The following UPF2 variants were observed in gnomAD, a reference collection of about 807,000 sequenced individuals.
UPF2 encodes the protein regulator of nonsense transcripts 2.
A neutral mutation model predicts 141.4 loss-of-function variants in UPF2; 17 were observed. The ratio of observed to expected loss-of-function variants is 0.12; its 90% CI spans 0.08 to 0.18. UPF2 has a LOEUF of 0.18. Ranked by LOEUF, UPF2 falls within the 10% of genes least tolerant of loss-of-function variation. The pLI is 1.00. For missense variants in UPF2, 1,152 were observed against 1,515.9 expected (o/e 0.76, Z 3.99); for synonymous variants, 540 against 498.0 (o/e 1.08, Z -1.12).
chr10:11,921,182 G>C lies in UPF2; in HGVS notation c.*116C>G. The C allele has an allele frequency of 1.4e-6, 2 of 1,440,566 alleles. No homozygotes were observed. The highest frequency in any genetic ancestry group is 1.1e-5 in the South Asian group (1 of 87,376). The allele number at this position is 1,440,566 out of a possible 1,614,324, so 89.2% of individuals were successfully genotyped here. On this transcript the variant is annotated 3_prime_UTR_variant, in exon 22 of 22. Coordinates refer to ENST00000357604, the MANE Select transcript of UPF2 (RefSeq NM_015542.4). This position sits in a 1 kb window ranked among gnomAD's most constrained non-coding sequence, Gnocchi z 5.9. ...CCCAGCCTGTCCCAGGTTTAGATTC[G>C]CAACTCTCTAGACCGACCTGCTGAG...
intron 4 of UPF2, among the ~76,000 whole-genome samples, chr10:12,009,584 A>C (rs1302406671): frequency 6.6e-6 from 1 of 152,222 alleles, no homozygotes; most frequent in Non-Finnish European, 1.5e-5. Context: ...CAGTATAGGA[A>C]AATAATCCCT....
At chr10:12,031,438 T>C (rs1417752968) in intron 2 of UPF2, among the ~76,000 whole-genome samples, 2 of 152,176 alleles carry the variant, frequency 1.3e-5, no homozygotes, top group South Asian at 2.1e-4. Context: ...CAAGTTTAAA[T>C]TGCAGAAGTA....
chr10:11,997,120 C>T (rs1416722281), intron 8 of UPF2, among the ~76,000 whole-genome samples: 1 of 152,128 alleles, frequency 6.6e-6, no homozygotes, highest in African/African-American at 2.4e-5. Flanking sequence ...TAATATAATG[C>T]ATCAGAATTC....
At position 11,939,966 on chromosome 10, in the gene UPF2, A is replaced by G. The variant is rs1219106563; in HGVS notation, c.3378+2699T>C. On this transcript the variant is annotated intron_variant, in intron 18 of 21. Coordinates refer to ENST00000357604, the MANE Select transcript of UPF2 (RefSeq NM_015542.4). The surrounding 1 kb of genome is among the most constrained non-coding windows in gnomAD (Gnocchi z 4.8). ...TCTTTCCCTTGGAAAAACAAAACAA[A>G]ACATCTTCCTGGTGTGATATAATTA... Among the ~76,000 whole-genome samples the G allele has an allele frequency of 6.6e-6, 1 of 152,142 alleles. No individual in the cohort carries two copies. The highest frequency in any genetic ancestry group is 1.5e-5 in the Non-Finnish European group (1 of 68,030).
At chr10:11,946,215 T>C (rs1449156468) in intron 16 of UPF2, among the ~76,000 whole-genome samples, 1 of 152,190 alleles carries the variant, frequency 6.6e-6, no homozygotes, top group African/African-American at 2.4e-5. Context: ...GCAAAGCAAT[T>C]TGTTATGCAG....
At chr10:12,031,519 A>G (rs1288235361) in intron 2 of UPF2, among the ~76,000 whole-genome samples, 1 of 152,240 alleles carries the variant, frequency 6.6e-6, no homozygotes, top group Admixed American at 6.5e-5. Flanking sequence ...ATAACAAAAC[A>G]CATAACTTAA....
At chr10:12,023,551 G>A (rs185199590) in intron 3 of UPF2, among the ~76,000 whole-genome samples, 41 of 151,346 alleles carry the variant, frequency 2.7e-4, no homozygotes, top group Non-Finnish European at 4.6e-4. Context: ...TTAGCCAGGC[G>A]TGGTGGTGCA....
rs1033803777 is a variant in UPF2, at chr10:11,998,805, G to A, written c.1759-1048C>T. 6.6e-6 allele frequency among the ~76,000 whole-genome samples: 1 copy of A among 152,060 alleles called. No individual in the cohort carries two copies. The highest frequency in any genetic ancestry group is 1.5e-5 in the Non-Finnish European group (1 of 68,016). ...GGAGGCGGAGCTTGCAGTGAGCCGA[G>A]AACATGCCACTGCACTCCAGCCTGG... On this transcript the variant is annotated intron_variant, in intron 7 of 21. Transcript: ENST00000357604. This position sits in a 1 kb window ranked among gnomAD's most constrained non-coding sequence, Gnocchi z 4.5.
chr10:11,939,600 C>A lies in UPF2; in HGVS notation c.3379-2888G>T, dbSNP rs1221147826. On this transcript the variant is annotated intron_variant, in intron 18 of 21. Coordinates refer to ENST00000357604, the MANE Select transcript of UPF2 (RefSeq NM_015542.4). The surrounding 1 kb of genome is among the most constrained non-coding windows in gnomAD (Gnocchi z 4.8). ...CGTGATCTCGGCTCACTGCAACCTC[C>A]ACCTCCCAGGTTCAAGTGATTCTCC... Among the ~76,000 whole-genome samples the A allele has an allele frequency of 6.6e-6, 1 of 151,988 alleles. No homozygotes were observed. The highest frequency in any genetic ancestry group is 1.5e-5 in the Non-Finnish European group (1 of 67,992).
chr10:11,938,652 A>AT, intron 18 of UPF2, among the ~76,000 whole-genome samples: 1 of 152,030 alleles, frequency 6.6e-6, no homozygotes, highest in South Asian at 2.1e-4. Flanking sequence ...ATAAAAAAAA[A>AT]AACTAGATCA....
chr10:12,016,047 T>A lies in UPF2; in HGVS notation c.1146-1863A>T, dbSNP rs1436819621. Among the ~76,000 whole-genome samples the A allele has an allele frequency of 6.6e-6, 1 of 152,094 alleles. No homozygotes were observed. The highest frequency in any genetic ancestry group is 1.5e-5 in the Non-Finnish European group (1 of 68,006). On this transcript the variant is annotated intron_variant, in intron 3 of 21. Transcript: ENST00000357604. The surrounding 1 kb of genome is among the most constrained non-coding windows in gnomAD (Gnocchi z 4.1). Reference sequence around the variant, plus strand: ...ACTACTGTTACAAACACAAACAAAATTTTTTCAGTAATTTTGTGAATGAAT... The same window carrying A: ...ACTACTGTTACAAACACAAACAAAAATTTTTCAGTAATTTTGTGAATGAAT...
At chr10:11,949,706 G>T (rs1366042851) in intron 15 of UPF2, among the ~76,000 whole-genome samples, 1 of 152,140 alleles carries the variant, frequency 6.6e-6, no homozygotes, top group Non-Finnish European at 1.5e-5. Flanking sequence ...GCGATGATGT[G>T]ATTTAACCCT....
At chr10:11,986,307 TTA>T (rs1480333894) in intron 8 of UPF2, among the ~76,000 whole-genome samples, 1 of 152,172 alleles carries the variant, frequency 6.6e-6, no homozygotes, top group African/African-American at 2.4e-5. Flanking sequence ...AAAATCTTGT[TTA>T]TGTTTTTAAG....
Position 11,952,254 on chromosome 10 carries a change from T to A in UPF2, c.2851-5A>T. 1 of 1,577,242 alleles carries A rather than the reference T, an allele frequency of 6.3e-7. No homozygotes were observed. The highest frequency in any genetic ancestry group is 2.3e-5 in the East Asian group (1 of 44,370). ...TTTCTTCCACCAAACATAACGCTGA[T>A]AACAAATGAAAAATAAATTTAGCTA... is the stretch of plus-strand genomic sequence containing the variant. On this transcript the variant is annotated splice_region_variant and splice_polypyrimidine_tract_variant and intron_variant, in intron 14 of 21. Transcript: ENST00000357604.
At chr10:12,002,899 T>C (rs1027113680) in intron 5 of UPF2, among the ~76,000 whole-genome samples, 3 of 152,210 alleles carry the variant, frequency 2.0e-5, no homozygotes, top group Non-Finnish European at 4.4e-5. Flanking sequence ...AGTTCAGGAA[T>C]GTATACTTAA....
intron 15 of UPF2, among the ~76,000 whole-genome samples, chr10:11,951,724 G>A (rs113324075): frequency 1.3e-4 from 19 of 151,986 alleles, no homozygotes; most frequent in Admixed American, 9.2e-4. Flanking sequence ...AAATATATAC[G>A]CAAAAATAAG....
At chr10:11,922,915 A>G (rs1014670222) in intron 21 of UPF2, among the ~76,000 whole-genome samples, 5 of 152,104 alleles carry the variant, frequency 3.3e-5, no homozygotes, top group African/African-American at 1.2e-4. Context: ...GTGTGTGCCT[A>G]TAGTCCCAGA....
intron 16 of UPF2, among the ~76,000 whole-genome samples, chr10:11,943,998 A>C (rs1160172105): frequency 7.3e-6 from 1 of 136,100 alleles, no homozygotes; most frequent in Non-Finnish European, 1.6e-5. Flanking sequence ...AGTAAAAAAA[A>C]CAAAAAACAA....
chr10:11,972,045 C>T (rs1833426221), intron 9 of UPF2, among the ~76,000 whole-genome samples: 1 of 131,660 alleles, frequency 7.6e-6, no homozygotes, highest in South Asian at 2.4e-4. Flanking sequence ...GCCCGGATAA[C>T]AGAGCAAGAC....
Sources: allele counts gnomAD v4.1 joint callset (sites outside exome capture counted in the v4.1 genomes callset), GRCh38; gene constraint gnomAD v4.1.1; non-coding constraint Gnocchi (gnomAD v3.1); transcripts MANE v1.5; gene names NCBI Gene and HGNC (gene_info 2026-07-23, HGNC 2026-07-21).